Variants in PLCH1 observed in about 807,000 individuals in gnomAD.
PLCH1 encodes the protein 1-phosphatidylinositol 4,5-bisphosphate phosphodiesterase eta-1.
In PLCH1, 60 loss-of-function variants were observed where a neutral mutation model predicts 126.7. The ratio of observed to expected loss-of-function variants is 0.47; its 90% CI spans 0.38 to 0.59. The LOEUF is 0.59. PLCH1 is among the 20% of genes least tolerant of loss of function. The probability of loss-of-function intolerance (pLI) is 0.00; values close to 1 mark genes in which losing one functional copy is unlikely to be tolerated. For synonymous variants in PLCH1, 719 were observed against 734.9 expected (o/e 0.98, Z 0.35); for missense variants, 1,723 against 2,040.0 (o/e 0.84, Z 2.99).
chr3:155,479,871 G>T (rs1326562555), downstream of PLCH1: 3 of 151,534 alleles, frequency 2.0e-5, no homozygotes, highest in African/African-American at 7.3e-5. Context: ...TGTAAAAAAA[G>T]TTCACCAAGT....
intron 1 of PLCH1, chr3:155,742,036 T>C (rs1398439041): frequency 6.6e-6 from 1 of 152,166 alleles, no homozygotes; most frequent in Non-Finnish European, 1.5e-5. Context: ...CAAGTCTGAG[T>C]GATTAGCACC....
intron 21 of PLCH1, among the ~76,000 whole-genome samples, chr3:155,471,408 A>T (rs1713222262): frequency 6.6e-6 from 1 of 151,284 alleles, no homozygotes; most frequent in Admixed American, 6.6e-5. Flanking sequence ...CCAATACAGG[A>T]GCACCCAGAT....
At chr3:155,705,856 G>A (rs1746614182) in intron 1 of PLCH1, among the ~76,000 whole-genome samples, 1 of 152,144 alleles carries the variant, frequency 6.6e-6, no homozygotes, top group South Asian at 2.1e-4. Context: ...TAGCAACTAG[G>A]ACTTTATGAA....
intron 10 of PLCH1, among the ~76,000 whole-genome samples, chr3:155,543,755 T>C (rs1333728172): frequency 8.0e-5 from 12 of 150,380 alleles, no homozygotes; most frequent in African/African-American, 2.7e-4. Flanking sequence ...AAGAAAAGAA[T>C]TTTCAACCCA....
intron 1 of PLCH1, among the ~76,000 whole-genome samples, chr3:155,705,166 C>A (rs1746560555): frequency 6.6e-6 from 1 of 152,156 alleles, no homozygotes; most frequent in Non-Finnish European, 1.5e-5. Flanking sequence ...ACTAAAACCA[C>A]CTAGAATTTT....
intron 21 of PLCH1, among the ~76,000 whole-genome samples, chr3:155,454,851 A>G (rs565415550): frequency 6.6e-6 from 1 of 152,310 alleles, no homozygotes; most frequent in Non-Finnish European, 1.5e-5. Context: ...TTTGTTATCA[A>G]CAGAGTAGGC....
chr3:155,653,166 TATAGATATAGATATAG>T lies in PLCH1; in HGVS notation c.79+50964_79+50979del, dbSNP rs1219517536. The stretch of plus-strand genomic sequence containing the variant: ...ATATAGATATAGATATAGATATAGA[TATAGATATAGATATAG>T]ATATAGATATATAGATATAGATGAT... On this transcript the variant is annotated intron_variant, in intron 2 of 22. Coordinates refer to ENST00000460012, the MANE Select transcript of PLCH1 (RefSeq NM_014996.4). 3.6e-5 allele frequency among the ~76,000 whole-genome samples: 5 copies of T among 138,674 alleles called. No individual in the cohort carries two copies. In the South Asian group the frequency reaches 7.3e-4, roughly 20 times the overall value. 91.0% of individuals were successfully genotyped at this position (138,674 alleles called of 152,430 possible). A position where few individuals can be genotyped will look rare whatever the true frequency, so the allele number is the denominator to read the frequency against.
chr3:155,468,938 G>C (rs1400568797), intron 21 of PLCH1, among the ~76,000 whole-genome samples: 2 of 152,166 alleles, frequency 1.3e-5, no homozygotes, highest in Non-Finnish European at 2.9e-5. Flanking sequence ...GGTATTTACA[G>C]AACATTTCAT....
At chr3:155,546,172 T>A (rs1001616592) in intron 10 of PLCH1, among the ~76,000 whole-genome samples, 6 of 152,174 alleles carry the variant, frequency 3.9e-5, no homozygotes, top group African/African-American at 9.7e-5. Flanking sequence ...CTTAAGCTGA[T>A]AAGCAACTTC....
chr3:155,533,947 G>C (rs1390995362), intron 10 of PLCH1, among the ~76,000 whole-genome samples: 1 of 152,166 alleles, frequency 6.6e-6, no homozygotes, highest in Non-Finnish European at 1.5e-5. Context: ...CCTCTGCCTA[G>C]ATTTCAAAGG....
chr3:155,744,159 T>C (rs1749815493), intron 1 of PLCH1, among the ~76,000 whole-genome samples: 1 of 152,054 alleles, frequency 6.6e-6, no homozygotes, highest in Non-Finnish European at 1.5e-5. Context: ...GAACTGGGTT[T>C]AGGGGCTCGC....
At chr3:155,540,808 T>C (rs1343477776) in intron 10 of PLCH1, among the ~76,000 whole-genome samples, 24 of 151,752 alleles carry the variant, frequency 1.6e-4, no homozygotes. Flanking sequence ...TGGAAACTAG[T>C]ACAACCATTA....
At chr3:155,579,538 T>C (rs943299282) in intron 6 of PLCH1, among the ~76,000 whole-genome samples, 9 of 152,348 alleles carry the variant, frequency 5.9e-5, no homozygotes, top group African/African-American at 2.2e-4. Context: ...CCACACAGTC[T>C]AGTAATTTTT....
chr3:155,724,813 T>TG (rs1015618805), intron 1 of PLCH1, among the ~76,000 whole-genome samples: 5 of 140,064 alleles, frequency 3.6e-5, no homozygotes, highest in South Asian at 4.6e-4. Flanking sequence ...TTGGGGGGTT[T>TG]TGTGTGTGTG....
chr3:155,451,943 T>A (rs1712317283), intron 21 of PLCH1, among the ~76,000 whole-genome samples: 2 of 152,148 alleles, frequency 1.3e-5, no homozygotes, highest in Non-Finnish European at 2.9e-5. Flanking sequence ...CTGCCGGGAC[T>A]TCTCAGTCCC....
At chr3:155,576,922 T>C (rs1047105272) in intron 6 of PLCH1, among the ~76,000 whole-genome samples, 6 of 152,262 alleles carry the variant, frequency 3.9e-5, no homozygotes, top group Admixed American at 3.9e-4. Flanking sequence ...CAAAGTTTTA[T>C]CAATTATATT....
Position 155,480,551 on chromosome 3 carries a change from T to C in PLCH1, c.*417A>G, listed in dbSNP as rs1183813453. The stretch of plus-strand genomic sequence containing the variant: ...TAGGAAAAATGATAACAGATTAAAG[T>C]AAGGAATTCATCCCTTTGTCGTTTG... On this transcript the variant is annotated 3_prime_UTR_variant, in exon 23 of 23. Coordinates refer to ENST00000460012, the MANE Select transcript of PLCH1 (RefSeq NM_014996.4). 2 of 157,988 alleles carry C rather than the reference T, an allele frequency of 1.3e-5. No homozygotes were observed. The highest frequency in any genetic ancestry group is 4.8e-5 in the African/African-American group (2 of 41,542). 9.8% of individuals were successfully genotyped at this position (157,988 alleles called of 1,614,324 possible). A position where few individuals can be genotyped will look rare whatever the true frequency, so the allele number is the denominator to read the frequency against.
In PLCH1 at chr3:155,702,013, A is replaced by C. The variant is rs1450688774; in HGVS notation, c.79+2133T>G. ...TCTTTTAATCTTGGGAGGATTTAAT[A>C]TCTCTAAATCCTTTCGAAAGAGTAA... On this transcript the variant is annotated intron_variant, in intron 2 of 22. Transcript: ENST00000460012. 8.5e-5 allele frequency among the ~76,000 whole-genome samples: 13 copies of C among 152,338 alleles called. No individual in the cohort carries two copies. In the East Asian group the frequency reaches 2.5e-3, roughly 29 times the overall value.
Position 155,585,575 on chromosome 3 carries a change from A to T in PLCH1, c.600+490T>A, listed in dbSNP as rs561117279. Among the ~76,000 whole-genome samples the T allele has an allele frequency of 2.0e-5, 3 of 152,256 alleles. No homozygotes were observed. In the East Asian group the frequency reaches 5.8e-4, roughly 29 times the overall value. ...TCAACAGGGAAAGAGCCTTTCATCTAACCAACAAGGAGTTGAATGAAATTC... is the reference window on the plus strand; with the variant it reads ...TCAACAGGGAAAGAGCCTTTCATCTTACCAACAAGGAGTTGAATGAAATTC... On this transcript the variant is annotated intron_variant, in intron 5 of 22. Coordinates refer to ENST00000460012, the MANE Select transcript of PLCH1 (RefSeq NM_014996.4).
Sources: allele counts gnomAD v4.1 joint callset (sites outside exome capture counted in the v4.1 genomes callset), GRCh38; gene constraint gnomAD v4.1.1; transcripts MANE v1.5; gene names NCBI Gene and HGNC (gene_info 2026-07-23, HGNC 2026-07-21).